Variants in KCNC4 observed in about 807,000 individuals in gnomAD.
KCNC4 encodes voltage-gated potassium channel KCNC4.
KCNC4 carries 23 observed loss-of-function variants against 42.8 expected under a neutral mutation model. The ratio of observed to expected loss-of-function variants is 0.54; its 90% CI spans 0.39 to 0.76. The LOEUF (loss-of-function observed/expected upper bound fraction) is 0.76, where lower values mean the gene tolerates loss of function less well. Ranked by LOEUF, KCNC4 falls within the 30% of genes least tolerant of loss-of-function variation. The pLI is 0.00. For missense variants in KCNC4, 751 were observed against 898.2 expected (o/e 0.84, Z 2.10); for synonymous variants, 422 against 393.5 (o/e 1.07, Z -0.86).
intron 1 of KCNC4, among the ~76,000 whole-genome samples, chr1:110,267,027 C>T (rs139536371): frequency 6.6e-6 from 1 of 152,348 alleles, no homozygotes; most frequent in East Asian, 1.9e-4. Context: ...GGTCTTGTAG[C>T]TTCCATTTAG....
rs572989996 is a variant in KCNC4, at chr1:110,217,942, C to T, written c.679-5022C>T. ...TGCCTGGGCACAAGGATCTTGCTTC[C>T]CTGGAAGGCTCAGTCCCTCAGTCCC... is the stretch of plus-strand genomic sequence containing the variant. On this transcript the variant is annotated intron_variant, in intron 1 of 3. Coordinates refer to ENST00000438661, the MANE Select transcript of KCNC4 (RefSeq NM_001039574.3). 5.5e-4 allele frequency among the ~76,000 whole-genome samples: 83 copies of T among 152,286 alleles called. 1 individual carries two copies. In the South Asian group the frequency reaches 0.017, roughly 30 times the overall value.
intron 1 of KCNC4, among the ~76,000 whole-genome samples, chr1:110,255,057 G>A (rs1659306595): frequency 6.6e-6 from 1 of 152,230 alleles, no homozygotes; most frequent in Non-Finnish European, 1.5e-5. Context: ...TTCTGGACTT[G>A]CAGAGATGAT....
In KCNC4 at chr1:110,210,452, C is replaced by G. The variant is rs1436004431; in HGVS notation, c.-1048C>G. Among the ~76,000 whole-genome samples, 1 of 151,554 alleles carries G rather than the reference C, an allele frequency of 6.6e-6. No homozygotes were observed. The highest frequency in any genetic ancestry group is 2.4e-5 in the African/African-American group (1 of 41,390). ...CCGCGCGCGAGCCAAGGCCGGCGCC[C>G]CGCCCGGAGATGGGCAGACGCGTAG... On this transcript the variant is annotated 5_prime_UTR_variant, in exon 1 of 4. Coordinates refer to ENST00000438661, the MANE Select transcript of KCNC4 (RefSeq NM_001039574.3).
chr1:110,271,329 CAGGGGAGAGA>C (rs1659631213), intron 1 of KCNC4, among the ~76,000 whole-genome samples: 2 of 152,258 alleles, frequency 1.3e-5, no homozygotes, highest in South Asian at 4.1e-4. Flanking sequence ...CCTCTTTATA[CAGGGGAGAGA>C]TCTGAAGCTT....
chr1:110,222,886 T>G, intron 1 of KCNC4, 78 bp from the exon 2 acceptor site: 1 of 1,067,128 alleles, frequency 9.4e-7, no homozygotes, highest in Non-Finnish European at 1.4e-6. Context: ...GTAACCTTCA[T>G]GCAGAAGTCC....
At chr1:110,230,151 G>A (rs1373620444) in intron 3 of KCNC4, among the ~76,000 whole-genome samples, 7 of 152,220 alleles carry the variant, frequency 4.6e-5, no homozygotes, top group Non-Finnish European at 5.9e-5. Context: ...TGTCCTTCTG[G>A]AAAGGTCTGT....
At position 110,212,192 on chromosome 1, in the gene KCNC4, C is replaced by T. The variant is rs759754588; in HGVS notation, c.678+15C>T. On this transcript the variant is annotated intron_variant, in intron 1 of 3. Coordinates refer to ENST00000438661, the MANE Select transcript of KCNC4 (RefSeq NM_001039574.3). The stretch of plus-strand genomic sequence containing the variant: ...GGGCCGCTAGGGTGAGTGGCAGGAG[C>T]CCGTGTCTCCCCATCTTGGGTCTGC... 23 of 1,457,942 alleles carry T rather than the reference C, an allele frequency of 1.6e-5. No individual in the cohort carries two copies. The African/African-American group carries it at 3.1e-4, about 20-fold the overall frequency. The allele number at this position is 1,457,942 out of a possible 1,614,324, so 90.3% of individuals were successfully genotyped here. A position where few individuals can be genotyped will look rare whatever the true frequency, so the allele number is the denominator to read the frequency against.
At chr1:110,215,968 C>G (rs1273620094) in intron 1 of KCNC4, among the ~76,000 whole-genome samples, 2 of 152,200 alleles carry the variant, frequency 1.3e-5, no homozygotes, top group African/African-American at 4.8e-5. Context: ...CCACTCTGCT[C>G]TTATCTGTTC....
intron 1 of KCNC4, among the ~76,000 whole-genome samples, chr1:110,258,441 T>C (rs369923009): frequency 1.3e-5 from 2 of 152,194 alleles, no homozygotes; most frequent in Admixed American, 6.5e-5. Context: ...TTTCACCACA[T>C]TGGCCAGGAT....
downstream of KCNC4, among the ~76,000 whole-genome samples, chr1:110,253,803 A>G (rs1368090554): frequency 6.6e-6 from 1 of 152,192 alleles, no homozygotes; most frequent in Admixed American, 6.5e-5. Context: ...GTCAGAGGGC[A>G]GGGGTGGTGA....
chr1:110,267,688 C>T (rs1659564389), intron 1 of KCNC4, among the ~76,000 whole-genome samples: 1 of 152,200 alleles, frequency 6.6e-6, no homozygotes, highest in Non-Finnish European at 1.5e-5. Flanking sequence ...CTATGTATCT[C>T]ACCACCAGGA....
chr1:110,228,089 GCA>G (rs1208605076), intron 3 of KCNC4, among the ~76,000 whole-genome samples: 17 of 152,130 alleles, frequency 1.1e-4, no homozygotes, highest in Admixed American at 7.2e-4. Context: ...AACTCCCAAT[GCA>G]CACTCGGCAA....
intron 3 of KCNC4, chr1:110,232,387 G>T: frequency 6.4e-7 from 1 of 1,552,052 alleles, no homozygotes. Context: ...GAATATCCCA[G>T]GGTGGTGACA....
At chr1:110,231,944 C>T (rs1438449907) in intron 3 of KCNC4, among the ~76,000 whole-genome samples, 3 of 152,180 alleles carry the variant, frequency 2.0e-5, no homozygotes, top group Non-Finnish European at 2.9e-5. Context: ...CACATCTGCA[C>T]TCCACCTTGA....
chr1:110,229,365 C>T (rs145095413), intron 3 of KCNC4, among the ~76,000 whole-genome samples: 7 of 152,262 alleles, frequency 4.6e-5, no homozygotes, highest in East Asian at 1.9e-4. Flanking sequence ...TGGTGCAGGC[C>T]GTGGGCGGGC....
intron 1 of KCNC4, among the ~76,000 whole-genome samples, chr1:110,212,629 T>C (rs553578447): frequency 2.0e-5 from 3 of 152,300 alleles, no homozygotes; most frequent in African/African-American, 7.2e-5. Context: ...GATGCTTCCA[T>C]GCCGTGCCAC....
At position 110,210,842 on chromosome 1, in the gene KCNC4, C is replaced by T. The variant is rs1331516760; in HGVS notation, c.-658C>T. On this transcript the variant is annotated 5_prime_UTR_variant, in exon 1 of 4. Coordinates refer to ENST00000438661, the MANE Select transcript of KCNC4 (RefSeq NM_001039574.3). ...CCCCCGCCCGCCCGGCCGCCGCTCT[C>T]TGCTCTGCCCCGCCTGCCTTCCTCG... Among the ~76,000 whole-genome samples, 4 of 152,148 alleles carry T rather than the reference C, an allele frequency of 2.6e-5. No homozygotes were observed. The highest frequency in any genetic ancestry group is 2.9e-5 in the Non-Finnish European group (2 of 68,010).
chr1:110,258,485 C>T (rs146690598), intron 1 of KCNC4, among the ~76,000 whole-genome samples: 3,957 of 152,274 alleles, frequency 0.026, 167 homozygotes, highest in African/African-American at 0.087. Flanking sequence ...ATCCGCCCGC[C>T]TCAGCCTCCC....
At chr1:110,217,329 G>A (rs966918682) in intron 1 of KCNC4, among the ~76,000 whole-genome samples, 1 of 152,136 alleles carries the variant, frequency 6.6e-6, no homozygotes, top group Non-Finnish European at 1.5e-5. Flanking sequence ...AGTTGAATTG[G>A]GTGGGCCTTG....
Sources: gnomAD v4.1 joint callset for allele counts (sites outside exome capture counted in the v4.1 genomes callset) on GRCh38, gnomAD v4.1.1 for gene constraint, MANE v1.5 for transcripts, NCBI Gene and HGNC (gene_info 2026-07-23, HGNC 2026-07-21) for gene names.